PDE10A: variants seen among roughly 807,000 people sequenced by gnomAD.
The protein encoded by PDE10A is phosphodiesterase 10A, also known as cAMP and cAMP-inhibited cGMP 3',5'-cyclic phosphodiesterase 10A.
PDE10A carries 39 observed loss-of-function variants against 97.7 expected under a neutral mutation model. The ratio of observed to expected loss-of-function variants is 0.40; its 90% CI spans 0.31 to 0.52. The LOEUF is 0.52. Ranked by LOEUF, PDE10A falls within the 20% of genes least tolerant of loss-of-function variation. PDE10A has a pLI of 0.56. For synonymous variants in PDE10A, 371 were observed against 376.8 expected (o/e 0.98, Z 0.18); for missense variants, 731 against 1,047.8 (o/e 0.70, Z 4.17).
chr6:165,422,271 A>G (rs1788748616), intron 10 of PDE10A, among the ~76,000 whole-genome samples: 1 of 151,842 alleles, frequency 6.6e-6, no homozygotes, highest in Admixed American at 6.6e-5. Flanking sequence ...ACACACACAT[A>G]CGCATACACA....
chr6:165,439,874 TA>T (rs1419402627), intron 5 of PDE10A, among the ~76,000 whole-genome samples: 2 of 152,216 alleles, frequency 1.3e-5, no homozygotes, highest in African/African-American at 2.4e-5. Context: ...CACCATCTTT[TA>T]ATGAAATAGA....
chr6:165,766,261 T>G (rs1249858879), intron 1 of PDE10A, among the ~76,000 whole-genome samples: 1 of 152,228 alleles, frequency 6.6e-6, no homozygotes, highest in African/African-American at 2.4e-5. Flanking sequence ...TGTAGGGCAT[T>G]TGCTCACATT....
At chr6:165,465,409 G>A (rs891063706) in intron 3 of PDE10A, among the ~76,000 whole-genome samples, 3 of 152,200 alleles carry the variant, frequency 2.0e-5, no homozygotes, top group South Asian at 4.1e-4. Flanking sequence ...ATGGGGAAAA[G>A]AGAAAAAGCA....
intron 1 of PDE10A, among the ~76,000 whole-genome samples, chr6:165,847,942 G>A (rs924966950): frequency 2.0e-5 from 3 of 152,178 alleles, no homozygotes; most frequent in Non-Finnish European, 4.4e-5. Context: ...AATAGCATAG[G>A]TCACATGTGC....
At chr6:165,855,510 C>T (rs1780707083) in intron 1 of PDE10A, among the ~76,000 whole-genome samples, 1 of 151,558 alleles carries the variant, frequency 6.6e-6, no homozygotes, top group Admixed American at 6.6e-5. Flanking sequence ...TTGACAGCTG[C>T]ACCCCCACGC....
At chr6:165,627,686 CGGCA>C (rs573204601) in intron 1 of PDE10A, among the ~76,000 whole-genome samples, 11 of 152,166 alleles carry the variant, frequency 7.2e-5, no homozygotes, top group Non-Finnish European at 1.5e-4. Flanking sequence ...AGTTTACAAA[CGGCA>C]GGGATTTTCA....
intron 1 of PDE10A, among the ~76,000 whole-genome samples, chr6:165,768,411 T>A (rs912316813): frequency 4.8e-4 from 73 of 152,286 alleles, no homozygotes; most frequent in African/African-American, 1.7e-3. Flanking sequence ...ACTTTTAGAT[T>A]TTACATTTAG....
intron 1 of PDE10A, among the ~76,000 whole-genome samples, chr6:165,761,636 T>C (rs1009250084): frequency 5.9e-5 from 9 of 152,212 alleles, no homozygotes; most frequent in Non-Finnish European, 8.8e-5. Context: ...TCAATTATTA[T>C]AATTACAGTT....
At chr6:165,835,104 CAG>C (rs1256983244) in intron 1 of PDE10A, among the ~76,000 whole-genome samples, 1 of 152,084 alleles carries the variant, frequency 6.6e-6, no homozygotes, top group Non-Finnish European at 1.5e-5. Flanking sequence ...GGACACAGTG[CAG>C]AGAGAGGTGG....
exon 1 of PDE10A, chr6:165,987,870 G>A (rs535810473): frequency 2.6e-6 from 1 of 378,438 alleles, no homozygotes; most frequent in Non-Finnish European, 5.2e-6. Flanking sequence ...TGCACCCAGC[G>A]CCTTGGGCGC....
intron 1 of PDE10A, among the ~76,000 whole-genome samples, chr6:165,857,390 G>T (rs937626219): frequency 1.4e-4 from 21 of 152,246 alleles, no homozygotes; most frequent in African/African-American, 4.8e-4. Context: ...ACAATGCTCA[G>T]ATTCTTCTGT....
At chr6:165,368,104 T>C (rs1313797329) in intron 18 of PDE10A, among the ~76,000 whole-genome samples, 1 of 152,188 alleles carries the variant, frequency 6.6e-6, no homozygotes, top group East Asian at 1.9e-4. Flanking sequence ...CAAGCGATTT[T>C]CCTGCCTCAG....
intron 1 of PDE10A, among the ~76,000 whole-genome samples, chr6:165,683,895 T>C (rs1282154858): frequency 1.3e-5 from 2 of 152,168 alleles, no homozygotes; most frequent in Non-Finnish European, 2.9e-5. Context: ...CCAGGCATCA[T>C]CCTAGCCCTC....
chr6:165,891,688 C>T (rs931379490), intron 1 of PDE10A, among the ~76,000 whole-genome samples: 22 of 149,134 alleles, frequency 1.5e-4, no homozygotes, highest in Admixed American at 8.8e-4. Flanking sequence ...GCAGTGTTGT[C>T]GTTATTGTTA....
At chr6:165,736,629 A>T (rs997263603) in intron 1 of PDE10A, among the ~76,000 whole-genome samples, 2 of 152,190 alleles carry the variant, frequency 1.3e-5, no homozygotes, top group African/African-American at 4.8e-5. Context: ...AACACAACAT[A>T]CCTAATTTAT....
At chr6:165,959,664 G>A (rs933223275) in intron 1 of PDE10A, among the ~76,000 whole-genome samples, 1 of 152,140 alleles carries the variant, frequency 6.6e-6, no homozygotes, top group African/African-American at 2.4e-5. Context: ...TTAAAGCTGC[G>A]GGTGAGAGAA....
At chr6:165,941,039 A>G (rs1375643292) in intron 1 of PDE10A, among the ~76,000 whole-genome samples, 1 of 152,174 alleles carries the variant, frequency 6.6e-6, no homozygotes, top group African/African-American at 2.4e-5. Context: ...GGGAGGCAAT[A>G]CAGCGAGATA....
intron 1 of PDE10A, among the ~76,000 whole-genome samples, chr6:165,913,521 A>T (rs1425579827): frequency 6.6e-6 from 1 of 152,186 alleles, no homozygotes; most frequent in Admixed American, 6.5e-5. Flanking sequence ...CTTAATTTTT[A>T]AATTATTTTT....
chr6:165,421,516 T>C (rs902427119), intron 10 of PDE10A, among the ~76,000 whole-genome samples: 5 of 152,128 alleles, frequency 3.3e-5, no homozygotes, highest in African/African-American at 9.7e-5. Context: ...TAAAAGAATA[T>C]ATAGAAAACG....
Sources: allele counts gnomAD v4.1 joint callset (sites outside exome capture counted in the v4.1 genomes callset), GRCh38; gene constraint gnomAD v4.1.1; transcripts MANE v1.5; gene names NCBI Gene and HGNC (gene_info 2026-07-23, HGNC 2026-07-21).